COL19A1: variants seen among roughly 807,000 people sequenced by gnomAD.
COL19A1 encodes the protein collagen alpha-1(XIX) chain.
In COL19A1, 159 loss-of-function variants were observed where a neutral mutation model predicts 190.2. That is an observed-to-expected ratio of 0.84 (90% CI 0.73 to 0.95). COL19A1 has a LOEUF of 0.95. COL19A1 is among the 40% of genes least tolerant of loss of function. COL19A1 has a pLI of 0.00. For synonymous variants in COL19A1, 509 were observed against 458.9 expected (o/e 1.11, Z -1.39); for missense variants, 1,418 against 1,431.9 (o/e 0.99, Z 0.16).
At chr6:69,944,869 A>G (rs1369646304) in intron 9 of COL19A1, among the ~76,000 whole-genome samples, 3 of 152,008 alleles carry the variant, frequency 2.0e-5, no homozygotes, top group Non-Finnish European at 4.4e-5. Context: ...ATGCTCTTTA[A>G]CACTAAACTC....
rs773956878 is a variant in COL19A1 at position 69,936,896 on chromosome 6, T to G, written c.859T>G (p.Cys287Gly). The G allele has an allele frequency of 6.2e-7, 1 of 1,612,996 alleles. No homozygotes were observed. The highest frequency in any genetic ancestry group is 1.7e-5 in the Admixed American group (1 of 59,942). Residue 287 changes from cysteine (C) to glycine (G), a missense_variant, in exon 8 of 51, where the codon TGC (cysteine) becomes GGC (glycine). By Grantham distance (159) the Cys-to-Gly change is radical. Transcript: ENST00000620364. ...GCAGGAACTTAAAGACCAGTGCCAG[T>G]GCATTCCAAACAAGGTATGCTAGTT... Reference protein sequence around the residue: ...AKQELKDQCQCIPNKGEAGLP... With the variant: ...AKQELKDQCQGIPNKGEAGLP...
intron 36 of COL19A1, among the ~76,000 whole-genome samples, chr6:70,164,964 C>T (rs1429845944): frequency 6.6e-6 from 1 of 152,136 alleles, no homozygotes; most frequent in Non-Finnish European, 1.5e-5. Flanking sequence ...CAAAAAATGG[C>T]AGGGTATTGG....
rs779488766 is a variant in COL19A1, at chr6:69,985,771, A to G, written c.1026+22901A>G. Among the ~76,000 whole-genome samples, 7 of 152,178 alleles carry G rather than the reference A, an allele frequency of 4.6e-5. No individual in the cohort carries two copies. In the South Asian group the frequency reaches 8.3e-4, roughly 18 times the overall value. ...AAGTTTAGGGCATTTAAAAATGCAT[A>G]TTATTAATTTTACTGAGTTAATAGC... On this transcript the variant is annotated intron_variant, in intron 11 of 50. Coordinates refer to ENST00000620364, the MANE Select transcript of COL19A1 (RefSeq NM_001858.6).
intron 36 of COL19A1, among the ~76,000 whole-genome samples, chr6:70,164,796 A>G (rs1765036317): frequency 6.6e-6 from 1 of 152,232 alleles, no homozygotes; most frequent in African/African-American, 2.4e-5. Context: ...GCAGAATGTG[A>G]CATGTCTTAG....
In COL19A1 at chr6:70,179,846, C is replaced by G. The variant is rs546909719; in HGVS notation, c.2668-466C>G. ...GGCCTGCGGAGTTGACTATATGTTC[C>G]CCAGTCTCTGTCCCCTTAGAAATGC... On this transcript the variant is annotated intron_variant, in intron 42 of 50. Coordinates refer to ENST00000620364, the MANE Select transcript of COL19A1 (RefSeq NM_001858.6). Among the ~76,000 whole-genome samples the G allele has an allele frequency of 6.6e-5, 10 of 152,146 alleles. No homozygotes were observed. The South Asian group carries it at 2.1e-3, about 32-fold the overall frequency.
At chr6:70,194,979 A>C (rs1416475570) in intron 48 of COL19A1, among the ~76,000 whole-genome samples, 1 of 151,166 alleles carries the variant, frequency 6.6e-6, no homozygotes, top group Admixed American at 6.6e-5. Flanking sequence ...ATATATATGC[A>C]TATATATATG....
chr6:70,130,442 T>C (rs1178867413), intron 18 of COL19A1, among the ~76,000 whole-genome samples: 1 of 152,206 alleles, frequency 6.6e-6, no homozygotes, highest in Non-Finnish European at 1.5e-5. Flanking sequence ...GCCAGGTTGG[T>C]CTTGGACTCC....
intron 5 of COL19A1, 27 bp from the exon 6 acceptor site, chr6:69,929,398 A>G (rs1231985806): frequency 6.3e-6 from 10 of 1,598,254 alleles, no homozygotes; most frequent in Non-Finnish European, 7.7e-6. Context: ...TTTTTAAAAC[A>G]TTTAAAGATA....
chr6:69,875,776 A>G (rs1369301585), intron 1 of COL19A1, among the ~76,000 whole-genome samples: 2 of 152,208 alleles, frequency 1.3e-5, no homozygotes, highest in Non-Finnish European at 2.9e-5. Flanking sequence ...TATCTGTGTG[A>G]CATCTAAGAG....
chr6:70,134,840 A>G (rs1379334189), intron 18 of COL19A1, among the ~76,000 whole-genome samples: 3 of 152,164 alleles, frequency 2.0e-5, no homozygotes, highest in Admixed American at 2.0e-4. Context: ...TGCAACAGAC[A>G]CCAGCTGATT....
At chr6:70,190,455 A>T (rs988573538) in intron 48 of COL19A1, 74 bp downstream of exon 48, 7 of 1,000,010 alleles carry the variant, frequency 7.0e-6, no homozygotes, top group Non-Finnish European at 1.1e-5. Flanking sequence ...GAATCCCTCC[A>T]GCAACATTCT....
intron 15 of COL19A1, among the ~76,000 whole-genome samples, chr6:70,082,481 T>C (rs6928969): frequency 0.25 from 37,376 of 151,960 alleles, 7,706 homozygotes; most frequent in African/African-American, 0.55. Flanking sequence ...GGTGCGATCT[T>C]GGCTCACTGC....
At position 70,208,407 on chromosome 6, in the gene COL19A1, A is replaced by G. The variant is rs540804525; in HGVS notation, c.*1133A>G. ...CAAGAGGTACAGCTCAACAAAGGAAAACCACAGGACTGGATATGCAACTAG... is the reference window on the plus strand; with the variant it reads ...CAAGAGGTACAGCTCAACAAAGGAAGACCACAGGACTGGATATGCAACTAG... On this transcript the variant is annotated 3_prime_UTR_variant, in exon 51 of 51. Coordinates refer to ENST00000620364, the MANE Select transcript of COL19A1 (RefSeq NM_001858.6). 6 of 152,392 alleles carry G rather than the reference A, an allele frequency of 3.9e-5. No homozygotes were observed. In the East Asian group the frequency reaches 1.2e-3, roughly 29 times the overall value. 9.4% of individuals were successfully genotyped at this position (152,392 alleles called of 1,614,324 possible).
chr6:69,918,803 A>G (rs1369890591), intron 4 of COL19A1, among the ~76,000 whole-genome samples: 1 of 152,208 alleles, frequency 6.6e-6, no homozygotes, highest in Non-Finnish European at 1.5e-5. Flanking sequence ...GGAAAAAATA[A>G]TAACTTGCAG....
chr6:69,877,075 T>A (rs1473592488), intron 1 of COL19A1, among the ~76,000 whole-genome samples: 1 of 152,140 alleles, frequency 6.6e-6, no homozygotes, highest in African/African-American at 2.4e-5. Context: ...TTTTCCAGAG[T>A]GTCTACTGAT....
At chr6:69,973,554 C>G (rs1445370518) in intron 11 of COL19A1, among the ~76,000 whole-genome samples, 1 of 152,052 alleles carries the variant, frequency 6.6e-6, no homozygotes, top group Non-Finnish European at 1.5e-5. Context: ...AAAGGCAACT[C>G]TCACATTTGT....
In COL19A1 at chr6:70,207,424, C is replaced by A; in HGVS notation, c.*150C>A. On this transcript the variant is annotated 3_prime_UTR_variant, in exon 51 of 51. Coordinates refer to ENST00000620364, the MANE Select transcript of COL19A1 (RefSeq NM_001858.6). Reference sequence around the variant, plus strand: ...AGGCATTAAAAGCAACCGTTTGAATCCTATTCCTATAGCAATTGCAAATCA... The same window carrying A: ...AGGCATTAAAAGCAACCGTTTGAATACTATTCCTATAGCAATTGCAAATCA... 1 of 647,744 alleles carries A rather than the reference C, an allele frequency of 1.5e-6. No homozygotes were observed. The highest frequency in any genetic ancestry group is 2.2e-6 in the Non-Finnish European group (1 of 444,560). 40.1% of individuals were successfully genotyped at this position (647,744 alleles called of 1,614,324 possible). A position where few individuals can be genotyped will look rare whatever the true frequency, so the allele number is the denominator to read the frequency against.
intron 15 of COL19A1, among the ~76,000 whole-genome samples, chr6:70,100,571 C>G (rs1292049773): frequency 6.9e-6 from 1 of 144,904 alleles, no homozygotes; most frequent in Non-Finnish European, 1.5e-5. Context: ...GTCTCTGTCT[C>G]CCAGGCTGGA....
At chr6:69,875,645 G>T (rs1053537826) in intron 1 of COL19A1, among the ~76,000 whole-genome samples, 1 of 152,124 alleles carries the variant, frequency 6.6e-6, no homozygotes, top group African/African-American at 2.4e-5. Flanking sequence ...GAATCAGTGG[G>T]GTCCTTGGGT....
Sources: gnomAD v4.1 joint callset for allele counts (sites outside exome capture counted in the v4.1 genomes callset) on GRCh38, gnomAD v4.1.1 for gene constraint, MANE v1.5 for transcripts, NCBI Gene and HGNC (gene_info 2026-07-23, HGNC 2026-07-21) for gene names.